VPS13C: variants seen among roughly 807,000 people sequenced by gnomAD.
VPS13C encodes the protein intermembrane lipid transfer protein VPS13C.
Under a neutral mutation model 456.8 loss-of-function variants are expected in VPS13C, and 358 were observed. The observed-to-expected ratio is 0.78, with a 90% confidence interval of 0.72 to 0.86. The LOEUF (loss-of-function observed/expected upper bound fraction) is 0.86. VPS13C is among the 40% of genes least tolerant of loss of function. VPS13C has a pLI of 0.00. For missense variants in VPS13C, 4,818 were observed against 4,385.4 expected (o/e 1.10, Z -2.79); for synonymous variants, 1,578 against 1,486.7 (o/e 1.06, Z -1.41).
At position 61,917,420 on chromosome 15, in the gene VPS13C, T is replaced by C; in HGVS notation, c.7976A>G (p.Asp2659Gly). Residue 2659 changes from aspartate (D) to glycine (G), a missense_variant, in exon 60 of 85, where the codon GAT becomes GGT. Coordinates refer to ENST00000644861, the MANE Select transcript of VPS13C (RefSeq NM_020821.3). ...ATAAAGATGAATAATGTAAGCTACA[T>C]CCCAGTCTTCCCCATGTGTACATAT... ...SYICTHGEDW[D>G]VAYIIHLYPS... 6.2e-7 allele frequency: 1 copy of C among 1,613,966 alleles called. No homozygotes were observed. Among genetic ancestry groups the C allele is most frequent in the Non-Finnish European group, 8.5e-7 (1 of 1,179,888 alleles).
chr15:61,869,536 A>G lies in VPS13C; in HGVS notation c.10712T>C (p.Val3571Ala). The change falls in exon 80 of 85, where the codon GTA becomes GCA. Residue 3571 changes from valine (V) to alanine (A), a missense_variant. Val to Ala is a moderately conservative substitution (Grantham distance 64). Transcript: ENST00000644861. ...GAVARPTGGI[V>A]DMASSTFQGI... is the part of the protein sequence containing the mutation. The stretch of plus-strand genomic sequence containing the variant: ...TTGGAAGGTACTACTGGCCATATCT[A>G]CGATTCCACCAGTTGGACGGGCCAC... The G allele has an allele frequency of 6.2e-7, 1 of 1,614,142 alleles. No individual in the cohort carries two copies.
intron 4 of VPS13C, among the ~76,000 whole-genome samples, chr15:62,034,620 G>A (rs977961522): frequency 2.0e-5 from 3 of 151,610 alleles, no homozygotes; most frequent in African/African-American, 7.2e-5. Flanking sequence ...TAACACATCA[G>A]GATATTTTTA....
Position 61,877,034 on chromosome 15 carries a change from C to T in VPS13C, c.10163G>A (p.Arg3388Gln), listed in dbSNP as rs1566963029. Residue 3388 changes from arginine to glutamine, a missense_variant, in exon 75 of 85, where the codon CGA (arginine) becomes CAA (glutamine). By Grantham distance (43) the Arg-to-Gln change is conservative. Coordinates refer to ENST00000644861, the MANE Select transcript of VPS13C (RefSeq NM_020821.3). ...CTGATCTCTCTTGTAGAACTGATAT[C>T]GAATTTCATAATAAGCAAGTCTGGG... ...LIFKLAYYEI[R>Q]YQFYKRDQLI... 1.2e-6 allele frequency: 2 copies of T among 1,607,382 alleles called. No homozygotes were observed. The highest frequency in any genetic ancestry group is 1.7e-6 in the Non-Finnish European group (2 of 1,176,502).
chr15:61,962,695 G>C, intron 33 of VPS13C, 54 bp downstream of exon 33: 1 of 1,370,286 alleles, frequency 7.3e-7, no homozygotes. Flanking sequence ...TTTTACAATA[G>C]AAGCTCATAT....
chr15:62,047,885 T>A (rs1202994388), intron 1 of VPS13C, among the ~76,000 whole-genome samples: 1 of 152,196 alleles, frequency 6.6e-6, no homozygotes, highest in African/African-American at 2.4e-5. Context: ...CCATTTTATA[T>A]TTAACTGAAT....
At chr15:62,038,534 C>A (rs1262744762) in intron 3 of VPS13C, among the ~76,000 whole-genome samples, 28 of 152,136 alleles carry the variant, frequency 1.8e-4, no homozygotes, top group Admixed American at 1.8e-3. Flanking sequence ...CTGCAGTAAG[C>A]CATGACTGTG....
intron 16 of VPS13C, among the ~76,000 whole-genome samples, chr15:61,999,029 C>T (rs2046498330): frequency 6.6e-6 from 1 of 152,134 alleles, no homozygotes; most frequent in Non-Finnish European, 1.5e-5. Context: ...AACTATTTAT[C>T]AATAAGGCTT....
At chr15:61,869,874 T>C (rs1257158655) in intron 79 of VPS13C, among the ~76,000 whole-genome samples, 1 of 152,192 alleles carries the variant, frequency 6.6e-6, no homozygotes, top group African/African-American at 2.4e-5. Context: ...CCAGCATTTA[T>C]GTTTTTCTAA....
chr15:61,911,492 T>C (rs954990759), intron 63 of VPS13C, among the ~76,000 whole-genome samples: 7 of 152,330 alleles, frequency 4.6e-5, no homozygotes, highest in African/African-American at 1.7e-4. Flanking sequence ...TGCAGACTTT[T>C]ATGACTCTTT....
In VPS13C at chr15:61,958,730, T is replaced by C; in HGVS notation, c.4057-14A>G. 7.4e-7 allele frequency: 1 copy of C among 1,355,388 alleles called. No homozygotes were observed. 84.0% of individuals were successfully genotyped at this position (1,355,388 alleles called of 1,614,324 possible). ...ATTTAGACTAACCTGTAAAATATTATGTTAAAAAAAAAACTATATTACGTT... is the reference window on the plus strand; with the variant it reads ...ATTTAGACTAACCTGTAAAATATTACGTTAAAAAAAAAACTATATTACGTT... On this transcript the variant is annotated splice_polypyrimidine_tract_variant and intron_variant, in intron 36 of 84. Coordinates refer to ENST00000644861, the MANE Select transcript of VPS13C (RefSeq NM_020821.3).
chr15:62,037,913 T>C (rs974650007), intron 3 of VPS13C, among the ~76,000 whole-genome samples: 3 of 152,116 alleles, frequency 2.0e-5, no homozygotes, highest in Non-Finnish European at 2.9e-5. Flanking sequence ...TATTCTTGTA[T>C]GTTAAAAGGA....
At chr15:61,929,375 T>C in intron 51 of VPS13C, 126 bp downstream of exon 51, 3 of 1,282,246 alleles carry the variant, frequency 2.3e-6, no homozygotes, top group Non-Finnish European at 2.1e-6. Context: ...AAAGTTTTTA[T>C]ATAGAATATG....
At chr15:61,905,684 CA>C (rs2043134840) in intron 66 of VPS13C, among the ~76,000 whole-genome samples, 1 of 152,038 alleles carries the variant, frequency 6.6e-6, no homozygotes, top group Admixed American at 6.6e-5. Context: ...TTTACTATAA[CA>C]GCAAAGTTTT....
chr15:62,008,657 T>A lies in VPS13C; in HGVS notation c.1116A>T (p.Arg372=), dbSNP rs766448544. 6.3e-7 allele frequency: 1 copy of A among 1,595,796 alleles called. No homozygotes were observed. The change falls in exon 14 of 85, where the codon CGA becomes CGT. Residue 372 remains arginine (R), a splice_region_variant and synonymous_variant. Coordinates refer to ENST00000644861, the MANE Select transcript of VPS13C (RefSeq NM_020821.3). Reference sequence around the variant, plus strand: ...ACAAAAAACAAATTCTAACTTACCATCGTCGACCATTGGTATGAAGTGGTA... The same window carrying A: ...ACAAAAAACAAATTCTAACTTACCAACGTCGACCATTGGTATGAAGTGGTA... ...PYLPLHTNGR[R]WWKYAIDSVL... is the part of the protein sequence containing the mutation.
At chr15:62,044,300 A>G (rs2048338131) in intron 1 of VPS13C, 45 bp from the exon 2 acceptor site, 1 of 1,213,468 alleles carries the variant, frequency 8.2e-7, no homozygotes, top group Non-Finnish European at 1.2e-6. Context: ...TAACATACCA[A>G]TTTTTAAACC....
intron 75 of VPS13C, among the ~76,000 whole-genome samples, chr15:61,876,262 G>A (rs531604537): frequency 1.9e-4 from 29 of 152,028 alleles, no homozygotes; most frequent in African/African-American, 6.7e-4. Context: ...GTGAGACTCC[G>A]TCTCTATAAA....
intron 81 of VPS13C, chr15:61,865,533 T>C (rs1894482633): frequency 4.4e-6 from 4 of 904,988 alleles, no homozygotes; most frequent in African/African-American, 1.8e-5. Context: ...ACATATAATG[T>C]ATGTATATAT....
Position 61,969,478 on chromosome 15 carries a change from G to C in VPS13C, c.2758-26C>G, listed in dbSNP as rs779081925. ...CTAAAAGAATTAGAGTCAATGAAAA[G>C]TTGATAAGAAGTCTGAATCATACTT... On this transcript the variant is annotated intron_variant, in intron 27 of 84. Transcript: ENST00000644861. 7.5e-6 allele frequency: 11 copies of C among 1,462,666 alleles called. No individual in the cohort carries two copies. In the South Asian group the frequency reaches 1.4e-4, roughly 19 times the overall value. 90.6% of individuals were successfully genotyped at this position (1,462,666 alleles called of 1,614,324 possible). A position where few individuals can be genotyped will look rare whatever the true frequency, so the allele number is the denominator to read the frequency against.
intron 84 of VPS13C, 92 bp from the exon 85 acceptor site, chr15:61,854,650 C>A: frequency 7.7e-7 from 1 of 1,303,070 alleles, no homozygotes; most frequent in Non-Finnish European, 1.1e-6. Context: ...CTGAAGCTCT[C>A]CAAACAGGAC....
Sources: allele counts gnomAD v4.1 joint callset (sites outside exome capture counted in the v4.1 genomes callset), GRCh38; gene constraint gnomAD v4.1.1; transcripts MANE v1.5; gene names NCBI Gene and HGNC (gene_info 2026-07-23, HGNC 2026-07-21).